Variants in C14orf39 observed in about 807,000 individuals in gnomAD.
C14orf39 encodes the protein chromosome 14 open reading frame 39.
Under a neutral mutation model 85.6 loss-of-function variants are expected in C14orf39, and 66 were observed. The observed-to-expected ratio is 0.77, with a 90% CI of 0.63 to 0.95. The LOEUF (loss-of-function observed/expected upper bound fraction) is 0.95, where lower values mean the gene tolerates loss of function less well. C14orf39 is among the 40% of genes least tolerant of loss of function. The probability of loss-of-function intolerance (pLI) is 0.00; values close to 1 mark genes in which losing one functional copy is unlikely to be tolerated. For synonymous variants in C14orf39, 242 were observed against 214.0 expected (o/e 1.13, Z -1.14); for missense variants, 735 against 663.9 (o/e 1.11, Z -1.18).
intron 5 of C14orf39, among the ~76,000 whole-genome samples, chr14:60,472,309 C>T (rs1434981488): frequency 6.6e-6 from 1 of 152,084 alleles, no homozygotes; most frequent in African/African-American, 2.4e-5. Flanking sequence ...TTTAGAAGAA[C>T]TCTACTCCAG....
At chr14:60,486,864 C>T (rs187230012), upstream of C14orf39, among the ~76,000 whole-genome samples, 130 of 152,256 alleles carry the variant, frequency 8.5e-4, no homozygotes, top group African/African-American at 3.0e-3. Context: ...TCATATTGCT[C>T]ACTAGTTGGT....
chr14:60,459,084 AT>A (rs1430789006), intron 13 of C14orf39, among the ~76,000 whole-genome samples: 1 of 151,768 alleles, frequency 6.6e-6, no homozygotes, highest in Non-Finnish European at 1.5e-5. Flanking sequence ...ATATTGTTTT[AT>A]CATCTAAATA....
At chr14:60,507,267 C>T (rs1397065138) in intron 1 of C14orf39, among the ~76,000 whole-genome samples, 1 of 152,184 alleles carries the variant, frequency 6.6e-6, no homozygotes, top group Non-Finnish European at 1.5e-5. Flanking sequence ...TCGCAGCCCT[C>T]CCGGGTCCGG....
chr14:60,477,486 T>C (rs1892437030), intron 5 of C14orf39, among the ~76,000 whole-genome samples: 1 of 152,252 alleles, frequency 6.6e-6, no homozygotes, highest in South Asian at 2.1e-4. Flanking sequence ...TTGTCTTGTT[T>C]CATTACATTC....
At chr14:60,459,684 T>C (rs1478056613) in intron 13 of C14orf39, among the ~76,000 whole-genome samples, 1 of 151,782 alleles carries the variant, frequency 6.6e-6, no homozygotes, top group African/African-American at 2.4e-5. Context: ...ATCTGGTGGA[T>C]GTGTAATGAT....
At position 60,491,850 on chromosome 14, in the gene C14orf39, T is replaced by C. The variant is rs1275353102; in HGVS notation, c.-8-6764A>G. Among the ~76,000 whole-genome samples, 4 of 151,742 alleles carry C rather than the reference T, an allele frequency of 2.6e-5. No individual in the cohort carries two copies. The highest frequency in any genetic ancestry group is 2.1e-4 in the South Asian group (1 of 4,812). On this transcript the variant is annotated intron_variant, in intron 2 of 5. Transcript: ENST00000556799. The surrounding 1 kb of genome is among the most constrained non-coding windows in gnomAD (Gnocchi z 4.5). Reference sequence around the variant, plus strand: ...TCTCTCTCTCTCACACACACACACATCCCTATGTTAAAGCATGTTAATGAC... The same window carrying C: ...TCTCTCTCTCTCACACACACACACACCCCTATGTTAAAGCATGTTAATGAC...
chr14:60,483,816 T>C lies in C14orf39; in HGVS notation c.108A>G (p.Lys36=), dbSNP rs1371457376. Residue 36 remains lysine (K), a splice_region_variant and synonymous_variant, in exon 4 of 18, where the codon AAA becomes AAG. Transcript: ENST00000321731. ...TGTTTTCCTTAATATCTTCACAGCA[T>C]TCTACAAAGAGAAAATGTTTATTTT... The part of the protein sequence containing the change: ...TKEEMIQRIN[K]CCEDIKENKV... 2.0e-6 allele frequency: 3 copies of C among 1,489,686 alleles called. No individual in the cohort carries two copies. The highest frequency in any genetic ancestry group is 2.4e-5 in the South Asian group (2 of 82,918). 92.3% of individuals were successfully genotyped at this position (1,489,686 alleles called of 1,614,324 possible).
chr14:60,496,898 G>C (rs952943438), intron 2 of C14orf39: 2 of 152,294 alleles, frequency 1.3e-5, no homozygotes, highest in African/African-American at 2.4e-5. Context: ...TGCAAGCACT[G>C]GGTGCTGGGG....
chr14:60,453,829 T>C, intron 16 of C14orf39, among the ~76,000 whole-genome samples: 1 of 151,908 alleles, frequency 6.6e-6, no homozygotes, highest in Non-Finnish European at 1.5e-5. Context: ...TATAATTAGA[T>C]TTGAATTGGA....
intron 16 of C14orf39, among the ~76,000 whole-genome samples, chr14:60,445,164 C>T (rs191215857): frequency 7.2e-5 from 11 of 152,224 alleles, no homozygotes; most frequent in South Asian, 2.1e-4. Flanking sequence ...CATCAATTAA[C>T]GGGCAAAATA....
chr14:60,472,368 G>C (rs1892130228), intron 5 of C14orf39, among the ~76,000 whole-genome samples: 3 of 151,944 alleles, frequency 2.0e-5, no homozygotes, highest in Admixed American at 2.0e-4. Flanking sequence ...TCTTGAGTGA[G>C]ACAGTTAATT....
intron 16 of C14orf39, among the ~76,000 whole-genome samples, chr14:60,445,482 T>G (rs780200442): frequency 2.6e-5 from 4 of 152,160 alleles, no homozygotes; most frequent in Non-Finnish European, 5.9e-5. Context: ...TATTACAAAA[T>G]GATAAAGGGA....
chr14:60,503,342 G>C (rs116314544), intron 1 of C14orf39, among the ~76,000 whole-genome samples: 2 of 152,308 alleles, frequency 1.3e-5, no homozygotes, highest in African/African-American at 4.8e-5. Context: ...CCTTGAACTA[G>C]AGTGCACCAA....
At chr14:60,502,632 C>T (rs1188386744) in intron 1 of C14orf39, among the ~76,000 whole-genome samples, 2 of 152,104 alleles carry the variant, frequency 1.3e-5, no homozygotes, top group African/African-American at 4.8e-5. Context: ...GATCTGAGAA[C>T]AAAAATCTGC....
intron 1 of C14orf39, among the ~76,000 whole-genome samples, chr14:60,502,704 T>A (rs1028274021): frequency 6.6e-6 from 1 of 152,262 alleles, no homozygotes. Context: ...CTACTCCCAC[T>A]GTCTGCCTGT....
At chr14:60,512,497 A>G (rs1218263192) in intron 1 of C14orf39, 1 of 152,228 alleles carries the variant, frequency 6.6e-6, no homozygotes, top group Non-Finnish European at 1.5e-5. Flanking sequence ...GGTTTTTAAC[A>G]AGAGGGATAC....
At position 60,446,519 on chromosome 14, in the gene C14orf39, T is replaced by C. The variant is rs555792836; in HGVS notation, c.1504-4388A>G. On this transcript the variant is annotated intron_variant, in intron 16 of 17. Coordinates refer to ENST00000321731, the MANE Select transcript of C14orf39 (RefSeq NM_174978.3). ...ACCAGGAAGAAGTTGAATCTCTGAA[T>C]AGACGAATGACAGATTCTGAAATTG... Among the ~76,000 whole-genome samples the C allele has an allele frequency of 2.0e-5, 3 of 152,334 alleles. No homozygotes were observed. The South Asian group carries it at 6.2e-4, about 32-fold the overall frequency.
intron 1 of C14orf39, chr14:60,511,839 T>C (rs1893299082): frequency 6.2e-6 from 1 of 160,446 alleles, no homozygotes; most frequent in South Asian, 1.7e-4. Flanking sequence ...TTTCTTCTTA[T>C]TATTATTAAT....
chr14:60,441,669 TATATTA>T (rs1251524615), intron 17 of C14orf39, among the ~76,000 whole-genome samples: 10 of 152,130 alleles, frequency 6.6e-5, no homozygotes. Context: ...CGTACATATT[TATATTA>T]ATATGTTGAA....
Sources: gnomAD v4.1 joint callset for allele counts (sites outside exome capture counted in the v4.1 genomes callset) on GRCh38, gnomAD v4.1.1 for gene constraint, Gnocchi (gnomAD v3.1) non-coding constraint, MANE v1.5 for transcripts, NCBI Gene and HGNC (gene_info 2026-07-23, HGNC 2026-07-21) for gene names.